LRRC37A: variants seen among roughly 807,000 people sequenced by gnomAD.
The protein encoded by LRRC37A is leucine-rich repeat-containing protein 37A.
LRRC37A carries 3 observed loss-of-function variants against 35.4 expected under a neutral mutation model. That is an observed-to-expected ratio of 0.08 (90% CI 0.04 to 0.22). The LOEUF (loss-of-function observed/expected upper bound fraction) is 0.22, where lower values mean the gene tolerates loss of function less well. Ranked by LOEUF, LRRC37A falls within the 10% of genes least tolerant of loss-of-function variation. The pLI is 1.00. For synonymous variants in LRRC37A, 23 were observed against 215.0 expected (o/e 0.11, Z 7.81); for missense variants, 67 against 565.3 (o/e 0.12, Z 8.94).
the LRRC37A span, among the ~76,000 whole-genome samples, chr17:46,265,264 CTTCTTCTTCTT>C: frequency 3.4e-5 from 1 of 29,610 alleles, no homozygotes; most frequent in Non-Finnish European, 8.8e-5. Flanking sequence ...TCTTCTTCTT[CTTCTTCTTCTT>C]CTTCTTCTTC....
At chr17:46,248,953 A>T in the LRRC37A span, among the ~76,000 whole-genome samples, 4 of 151,996 alleles carry the variant, frequency 2.6e-5, no homozygotes, top group Non-Finnish European at 5.9e-5. Flanking sequence ...ACTTGAAAAA[A>T]ATGAAATATA....
At chr17:46,289,758 G>T, upstream of LRRC37A, among the ~76,000 whole-genome samples, 1 of 152,164 alleles carries the variant, frequency 6.6e-6, no homozygotes, top group Non-Finnish European at 1.5e-5. Context: ...AAATAACTTA[G>T]CCCACGTTTC....
At chr17:46,268,995 A>T in the LRRC37A span, among the ~76,000 whole-genome samples, 7,281 of 152,060 alleles carry the variant, frequency 0.048, 973 homozygotes, top group East Asian at 0.45. Context: ...TAAATATTTT[A>T]ATTTAATACA....
chr17:46,253,226 G>A, the LRRC37A span, among the ~76,000 whole-genome samples: 2 of 147,684 alleles, frequency 1.4e-5, no homozygotes, highest in African/African-American at 4.9e-5. Context: ...CATCTCAGAC[G>A]ATGGGCGGCC....
At chr17:46,269,810 A>G in the LRRC37A span, among the ~76,000 whole-genome samples, 4 of 152,326 alleles carry the variant, frequency 2.6e-5, no homozygotes, top group South Asian at 2.1e-4. Flanking sequence ...TTGAAATTAG[A>G]CCTTGGATGC....
the LRRC37A span, among the ~76,000 whole-genome samples, chr17:46,257,504 A>T: frequency 0.13 from 19,408 of 147,916 alleles, 965 homozygotes; most frequent in Middle Eastern, 0.21. Flanking sequence ...GAAAAAAATA[A>T]TAAAATTTAA....
chr17:46,323,939 G>A (rs563228287), intron 7 of LRRC37A, among the ~76,000 whole-genome samples: 1 of 100,828 alleles, frequency 9.9e-6, no homozygotes, highest in Admixed American at 9.9e-5. Context: ...GAGTATACCT[G>A]AGGCTGTATA....
At chr17:46,334,586 A>G (rs2052194971) in intron 10 of LRRC37A, 1 of 36,772 alleles carries the variant, frequency 2.7e-5, no homozygotes, top group Admixed American at 3.0e-4. Flanking sequence ...CAGGCAGCTA[A>G]TTTAAAAAAT....
chr17:46,274,228 T>C, the LRRC37A span, among the ~76,000 whole-genome samples: 1 of 152,258 alleles, frequency 6.6e-6, no homozygotes, highest in Non-Finnish European at 1.5e-5. Flanking sequence ...TTGTTTCACA[T>C]ACATCCATAG....
chr17:46,274,492 T>A, the LRRC37A span, among the ~76,000 whole-genome samples: 1 of 152,190 alleles, frequency 6.6e-6, no homozygotes, highest in Non-Finnish European at 1.5e-5. Context: ...ACATAGCAGC[T>A]CCTTTCATAG....
chr17:46,267,443 GTCT>G, the LRRC37A span: 23 of 1,613,166 alleles, frequency 1.4e-5, no homozygotes, highest in African/African-American at 1.2e-4. Flanking sequence ...CACCCCCGAC[GTCT>G]TCTTCTTCCG....
At chr17:46,262,244 C>T in the LRRC37A span, among the ~76,000 whole-genome samples, 1 of 152,200 alleles carries the variant, frequency 6.6e-6, no homozygotes, top group Non-Finnish European at 1.5e-5. Flanking sequence ...GCCACTGCAC[C>T]GGGCCTCTCA....
chr17:46,263,582 C>T, the LRRC37A span, among the ~76,000 whole-genome samples: 66 of 143,810 alleles, frequency 4.6e-4, 1 homozygote, highest in African/African-American at 1.7e-3. Context: ...AGGCTGAGCA[C>T]GGTGGCTCAT....
chr17:46,270,254 C>T, the LRRC37A span, among the ~76,000 whole-genome samples: 1 of 152,184 alleles, frequency 6.6e-6, no homozygotes, highest in East Asian at 1.9e-4. Flanking sequence ...GCACTGTACA[C>T]ATAAAGGACA....
chr17:46,277,100 C>G, the LRRC37A span, among the ~76,000 whole-genome samples: 1 of 152,230 alleles, frequency 6.6e-6, no homozygotes, highest in Admixed American at 6.5e-5. Flanking sequence ...CCACTGCACA[C>G]AGCCTAATTT....
At chr17:46,332,830 G>T in intron 10 of LRRC37A, 174 bp downstream of exon 10, 5 of 395,850 alleles carry the variant, frequency 1.3e-5, no homozygotes, top group South Asian at 2.3e-5. Flanking sequence ...GTATATTTCA[G>T]GATTTTTAAA....
the LRRC37A span, chr17:46,259,455 G>C: frequency 7.7e-7 from 1 of 1,300,022 alleles, no homozygotes; most frequent in South Asian, 1.2e-5. Flanking sequence ...CCCCACCTTT[G>C]GGGGTCAGAT....
the LRRC37A span, among the ~76,000 whole-genome samples, chr17:46,285,495 C>A: frequency 6.6e-6 from 1 of 152,174 alleles, no homozygotes; most frequent in Non-Finnish European, 1.5e-5. Context: ...CCACCTCAGC[C>A]CCCACAAAGT....
chr17:46,268,328 G>A, the LRRC37A span, among the ~76,000 whole-genome samples: 1 of 152,196 alleles, frequency 6.6e-6, no homozygotes, highest in African/African-American at 2.4e-5. Flanking sequence ...TGGTTGGGTT[G>A]GTTATCTTCT....
Sources: allele counts gnomAD v4.1 joint callset (sites outside exome capture counted in the v4.1 genomes callset), GRCh38; gene constraint gnomAD v4.1.1; transcripts MANE v1.5; gene names NCBI Gene and HGNC (gene_info 2026-07-23, HGNC 2026-07-21).